The following EYS variants were observed in gnomAD, a reference collection of about 807,000 sequenced individuals.
The protein encoded by EYS is EGF-like photoreceptor maintenance factor.
In EYS, 250 loss-of-function variants were observed where a neutral mutation model predicts 282.1. The ratio of observed to expected loss-of-function variants is 0.89; its 90% CI spans 0.80 to 0.98. EYS has a LOEUF of 0.98. Among genes scored for constraint, EYS ranks in the 50% least tolerant of loss-of-function variants. EYS has a pLI of 0.00. For missense variants in EYS, 4,016 were observed against 3,709.0 expected, an observed-to-expected ratio of 1.08 and a Z score of -2.15; for synonymous variants, 1,355 against 1,282.9, an observed-to-expected ratio of 1.06 and a Z score of -1.20.
intron 29 of EYS, among the ~76,000 whole-genome samples, chr6:64,345,301 T>C (rs539627550): frequency 3.3e-5 from 5 of 152,220 alleles, no homozygotes; most frequent in East Asian, 3.9e-4. Context: ...CTTCAAACTA[T>C]ACTATGAGGC....
rs564582640 is a variant in EYS at position 65,178,827 on chromosome 6, C to T, written c.2023+117036G>A. ...TAGTTGGAAGTAAAGCACTCCTCAG[C>T]AAATGTAAAAGAACAGAAATTATAA... On this transcript the variant is annotated intron_variant, in intron 12 of 42. Coordinates refer to ENST00000503581, the MANE Select transcript of EYS (RefSeq NM_001142800.2). Among the ~76,000 whole-genome samples the T allele has an allele frequency of 3.2e-4, 48 of 152,192 alleles. 1 individual carries two copies. Among genetic ancestry groups the T allele is most frequent in the Non-Finnish European group, 3.1e-4 (21 of 68,008 alleles).
rs537503119 is a variant in EYS at position 64,257,916 on chromosome 6, C to T, written c.6192-27092G>A. Among the ~76,000 whole-genome samples the T allele has an allele frequency of 3.9e-5, 6 of 152,040 alleles. No individual in the cohort carries two copies. In the South Asian group the frequency reaches 1.2e-3, roughly 32 times the overall value. ...CTTAATTGTTGACAACTAAAAAGAT[C>T]CTGATTACATCACATAGAAAGGATT... is the stretch of plus-strand genomic sequence containing the variant. On this transcript the variant is annotated intron_variant, in intron 30 of 42. Coordinates refer to ENST00000503581, the MANE Select transcript of EYS (RefSeq NM_001142800.2).
At chr6:64,678,052 A>G (rs1197927841) in intron 22 of EYS, among the ~76,000 whole-genome samples, 2 of 151,978 alleles carry the variant, frequency 1.3e-5, no homozygotes, top group African/African-American at 2.4e-5. Context: ...GCTGTTTTAT[A>G]TTTACTTATG....
chr6:64,255,642 T>C (rs968255021), intron 30 of EYS, among the ~76,000 whole-genome samples: 6 of 152,070 alleles, frequency 3.9e-5, no homozygotes, highest in Middle Eastern at 3.2e-3. Flanking sequence ...TTAAAAATCA[T>C]TACTATATTA....
At chr6:64,236,547 A>G (rs1035566196) in intron 30 of EYS, among the ~76,000 whole-genome samples, 1 of 152,178 alleles carries the variant, frequency 6.6e-6, no homozygotes, top group Non-Finnish European at 1.5e-5. Context: ...CCAGCAAAAT[A>G]TAAGAGTTCA....
intron 31 of EYS, among the ~76,000 whole-genome samples, chr6:64,085,492 G>A (rs553090246): frequency 5.2e-4 from 79 of 152,038 alleles, no homozygotes; most frequent in African/African-American, 1.9e-3. Context: ...AAGAGGGTGG[G>A]GAGTGAAGTC....
chr6:64,113,873 CA>C (rs1773291245), intron 31 of EYS, among the ~76,000 whole-genome samples: 2 of 152,126 alleles, frequency 1.3e-5, no homozygotes, highest in South Asian at 4.1e-4. Context: ...CACGAGTTGG[CA>C]AGCAGGTTAA....
Position 64,901,710 on chromosome 6 carries a change from T to C in EYS, c.2846+403A>G, listed in dbSNP as rs1440486013. ...AAATAGTCCAAATATCTATAACCAG[T>C]AGAATGATAAATGTTGGTATATATT... On this transcript the variant is annotated intron_variant, in intron 18 of 42. Transcript: ENST00000503581. Among the ~76,000 whole-genome samples the C allele has an allele frequency of 3.9e-5, 6 of 151,988 alleles. No homozygotes were observed. The East Asian group carries it at 1.2e-3, about 29-fold the overall frequency.
chr6:65,291,326 G>T (rs1036972318), intron 12 of EYS, among the ~76,000 whole-genome samples: 2 of 151,448 alleles, frequency 1.3e-5, no homozygotes, highest in African/African-American at 4.8e-5. Flanking sequence ...AAACCAAATG[G>T]TCCTCCTGCA....
intron 35 of EYS, among the ~76,000 whole-genome samples, chr6:63,945,156 G>C (rs768016536): frequency 6.6e-6 from 1 of 152,080 alleles, no homozygotes; most frequent in African/African-American, 2.4e-5. Flanking sequence ...GAAGGAAAGA[G>C]GTTTAATTGA....
intron 30 of EYS, among the ~76,000 whole-genome samples, chr6:64,272,399 C>T (rs1767973079): frequency 6.6e-6 from 1 of 152,156 alleles, no homozygotes; most frequent in African/African-American, 2.4e-5. Flanking sequence ...TATGTTTTTG[C>T]AGTGGCTGGT....
At chr6:64,577,427 G>A (rs1054225206) in intron 26 of EYS, among the ~76,000 whole-genome samples, 3 of 151,380 alleles carry the variant, frequency 2.0e-5, no homozygotes, top group Admixed American at 6.6e-5. Flanking sequence ...TCTCTCAATC[G>A]TTCAAATTAT....
At chr6:64,332,685 A>T (rs540843930) in intron 29 of EYS, among the ~76,000 whole-genome samples, 1 of 152,268 alleles carries the variant, frequency 6.6e-6, no homozygotes, top group African/African-American at 2.4e-5. Flanking sequence ...TGCTCCATCC[A>T]CACTGGAGGC....
intron 26 of EYS, among the ~76,000 whole-genome samples, chr6:64,568,950 A>C (rs1409185073): frequency 6.7e-6 from 1 of 148,766 alleles, no homozygotes; most frequent in Non-Finnish European, 1.5e-5. Context: ...AACAAAAAGG[A>C]CGCCCACACA....
At chr6:64,105,452 T>C (rs1772977759) in intron 31 of EYS, among the ~76,000 whole-genome samples, 2 of 152,090 alleles carry the variant, frequency 1.3e-5, no homozygotes. Context: ...TGAAACATCG[T>C]CAAAGTCTAT....
At chr6:65,184,112 T>C (rs1172036943) in intron 12 of EYS, among the ~76,000 whole-genome samples, 2 of 151,938 alleles carry the variant, frequency 1.3e-5, no homozygotes, top group Non-Finnish European at 2.9e-5. Flanking sequence ...TTTAAATAAA[T>C]TGATAAAGTA....
At chr6:63,839,540 G>A (rs963952798) in intron 36 of EYS, among the ~76,000 whole-genome samples, 4 of 151,854 alleles carry the variant, frequency 2.6e-5, no homozygotes. Context: ...ATAGAAACAG[G>A]GTCTCACTAT....
intron 35 of EYS, among the ~76,000 whole-genome samples, chr6:63,974,932 G>A (rs1042925624): frequency 1.3e-5 from 2 of 151,872 alleles, no homozygotes; most frequent in Non-Finnish European, 2.9e-5. Flanking sequence ...CTTTACCATA[G>A]AGCTGGTGAC....
chr6:63,767,748 AAAG>A (rs1769831131), intron 40 of EYS, among the ~76,000 whole-genome samples: 1 of 152,130 alleles, frequency 6.6e-6, no homozygotes, highest in African/African-American at 2.4e-5. Context: ...TGGAAACAAA[AAAG>A]AGGCTAAATA....
Sources: allele counts gnomAD v4.1 joint callset (sites outside exome capture counted in the v4.1 genomes callset), GRCh38; gene constraint gnomAD v4.1.1; transcripts MANE v1.5; gene names NCBI Gene and HGNC (gene_info 2026-07-23, HGNC 2026-07-21).